SRBD1: variants seen among roughly 807,000 people sequenced by gnomAD.
The protein encoded by SRBD1 is S1 RNA binding domain 1.
A neutral mutation model predicts 115.3 loss-of-function variants in SRBD1; 88 were observed. The ratio of observed to expected loss-of-function variants is 0.76; its 90% CI spans 0.64 to 0.91. The LOEUF (loss-of-function observed/expected upper bound fraction) is 0.91, where lower values mean the gene tolerates loss of function less well. SRBD1 is among the 40% of genes least tolerant of loss of function. SRBD1 has a pLI of 0.00. For synonymous variants in SRBD1, 509 were observed against 407.7 expected, an observed-to-expected ratio of 1.25 and a Z score of -2.99; for missense variants, 1,385 against 1,177.4, an observed-to-expected ratio of 1.18 and a Z score of -2.58.
chr2:45,460,469 G>T (rs576299055), intron 16 of SRBD1, among the ~76,000 whole-genome samples: 32 of 152,238 alleles, frequency 2.1e-4, no homozygotes, highest in African/African-American at 7.5e-4. Flanking sequence ...GAGGAAACAG[G>T]CACATAGCAA....
chr2:45,526,919 G>A (rs530108390), intron 14 of SRBD1, among the ~76,000 whole-genome samples: 18 of 151,912 alleles, frequency 1.2e-4, no homozygotes, highest in Admixed American at 1.2e-3. Context: ...CAAGAGATGT[G>A]AAAAAGAAGG....
chr2:45,596,990 AC>A (rs1312271983), intron 4 of SRBD1, among the ~76,000 whole-genome samples: 4,046 of 101,246 alleles, frequency 0.04, 197 homozygotes, highest in African/African-American at 0.1. Flanking sequence ...CACAACCCTC[AC>A]ACACACACAC....
intron 16 of SRBD1, among the ~76,000 whole-genome samples, chr2:45,434,762 A>AT (rs943800277): frequency 3.7e-4 from 55 of 147,172 alleles, no homozygotes; most frequent in African/African-American, 1.3e-3. Flanking sequence ...GCCTATTTGC[A>AT]TTTTTTTTCT....
At chr2:45,542,987 C>G (rs755653) in intron 14 of SRBD1, among the ~76,000 whole-genome samples, 55,135 of 152,006 alleles carry the variant, frequency 0.36, 10,969 homozygotes, top group Non-Finnish European at 0.46. Flanking sequence ...ATCTAAAAAA[C>G]ACAAACTAAT....
Position 45,389,307 on chromosome 2 carries a change from TA to T in SRBD1, c.*2del. On this transcript the variant is annotated 3_prime_UTR_variant, in exon 21 of 21. Coordinates refer to ENST00000263736, the MANE Select transcript of SRBD1 (RefSeq NM_018079.5). ...AAATCAGCGTCTGGCCTTCGTGGGATACTCATAACACCCGAATGAGGTCCAG... is the reference window on the plus strand; with the variant it reads ...AAATCAGCGTCTGGCCTTCGTGGGATCTCATAACACCCGAATGAGGTCCAG... The T allele has an allele frequency of 1.2e-6, 2 of 1,609,876 alleles. No individual in the cohort carries two copies. Among genetic ancestry groups the T allele is most frequent in the Middle Eastern group, 1.7e-4 (1 of 6,032 alleles).
chr2:45,520,131 A>T (rs1193994073), intron 14 of SRBD1, among the ~76,000 whole-genome samples: 1 of 152,250 alleles, frequency 6.6e-6, no homozygotes. Flanking sequence ...TTAAAAAGAC[A>T]GATGTTCCAG....
At chr2:45,546,203 T>C in intron 14 of SRBD1, 1 of 985,436 alleles carries the variant, frequency 1.0e-6, no homozygotes. Context: ...ATTGGGTCTT[T>C]CTAATCCAAA....
chr2:45,490,709 T>C (rs1181106145), intron 14 of SRBD1, among the ~76,000 whole-genome samples: 4 of 152,132 alleles, frequency 2.6e-5, no homozygotes, highest in Non-Finnish European at 4.4e-5. Flanking sequence ...TGCTGGGCTT[T>C]TGGAGGTTAT....
At chr2:45,466,508 C>T (rs1231260340) in intron 16 of SRBD1, among the ~76,000 whole-genome samples, 1 of 152,216 alleles carries the variant, frequency 6.6e-6, no homozygotes, top group Admixed American at 6.5e-5. Context: ...CTCTCAAATG[C>T]TTACACTTCA....
In SRBD1 at chr2:45,579,731, T is replaced by C. The variant is rs1363985446; in HGVS notation, c.1072+144A>G. On this transcript the variant is annotated intron_variant, in intron 7 of 20. Transcript: ENST00000263736. ...GCTGAATGGCTACTCAATAGGTATG[T>C]CAGGATTTATTTCAATTATTCTACA... is the stretch of plus-strand genomic sequence containing the variant. 6.9e-6 allele frequency: 7 copies of C among 1,007,696 alleles called. No individual in the cohort carries two copies. In the South Asian group the frequency reaches 1.6e-4, roughly 23 times the overall value. The allele number at this position is 1,007,696 out of a possible 1,614,324, so 62.4% of individuals were successfully genotyped here.
intron 12 of SRBD1, among the ~76,000 whole-genome samples, chr2:45,549,450 G>T (rs557295257): frequency 6.6e-6 from 1 of 151,426 alleles, no homozygotes; most frequent in Non-Finnish European, 1.5e-5. Context: ...ATTCTATATA[G>T]AATGATTATT....
At chr2:45,609,351 C>G (rs1674373690) in intron 1 of SRBD1, among the ~76,000 whole-genome samples, 1 of 152,176 alleles carries the variant, frequency 6.6e-6, no homozygotes, top group African/African-American at 2.4e-5. Context: ...TGTCTTGAAT[C>G]TCCACGATCT....
intron 14 of SRBD1, among the ~76,000 whole-genome samples, chr2:45,537,547 G>A (rs1671802831): frequency 6.6e-6 from 1 of 152,226 alleles, no homozygotes; most frequent in East Asian, 1.9e-4. Flanking sequence ...GGATGTTTTT[G>A]TTCTAGCTAA....
intron 14 of SRBD1, among the ~76,000 whole-genome samples, chr2:45,511,160 C>T (rs1408441116): frequency 2.0e-5 from 3 of 152,204 alleles, no homozygotes; most frequent in Non-Finnish European, 4.4e-5. Flanking sequence ...ATAAAATCTA[C>T]CACCAATCAT....
intron 14 of SRBD1, among the ~76,000 whole-genome samples, chr2:45,508,639 A>G (rs2103916579): frequency 6.6e-6 from 1 of 152,298 alleles, no homozygotes; most frequent in East Asian, 1.9e-4. Flanking sequence ...TTAAAAGTTA[A>G]AAAAACAAAA....
chr2:45,542,492 T>C (rs1291510649), intron 14 of SRBD1, among the ~76,000 whole-genome samples: 1 of 152,160 alleles, frequency 6.6e-6, no homozygotes, highest in Non-Finnish European at 1.5e-5. Context: ...CTGTGGAGCA[T>C]GCAACCCAAG....
chr2:45,546,483 A>C (rs1024117658), intron 14 of SRBD1: 1 of 472,652 alleles, frequency 2.1e-6, no homozygotes, highest in Non-Finnish European at 2.8e-6. Context: ...AAATCCAATG[A>C]AACTGAGCCC....
intron 12 of SRBD1, among the ~76,000 whole-genome samples, chr2:45,549,448 T>C (rs1672225395): frequency 6.6e-6 from 1 of 151,506 alleles, no homozygotes; most frequent in South Asian, 2.1e-4. Flanking sequence ...AAATTCTATA[T>C]AGAATGATTA....
At chr2:45,537,022 A>G (rs1399625142) in intron 14 of SRBD1, among the ~76,000 whole-genome samples, 1 of 152,172 alleles carries the variant, frequency 6.6e-6, no homozygotes, top group East Asian at 1.9e-4. Flanking sequence ...AATGCCCTCT[A>G]TTTCCTATTC....
Sources: allele counts gnomAD v4.1 joint callset (sites outside exome capture counted in the v4.1 genomes callset), GRCh38; gene constraint gnomAD v4.1.1; transcripts MANE v1.5; gene names NCBI Gene and HGNC (gene_info 2026-07-23, HGNC 2026-07-21).